The following HSPA1B variants were observed in gnomAD, a reference collection of about 807,000 sequenced individuals.
HSPA1B encodes the protein heat shock protein family A (Hsp70) member 1B.
Under a neutral mutation model 9.0 loss-of-function variants are expected in HSPA1B, and 7 were observed. The observed-to-expected ratio is 0.78, with a 90% confidence interval of 0.44 to 1.46. The LOEUF (loss-of-function observed/expected upper bound fraction) is 1.46. Ranked by LOEUF, HSPA1B falls within the 40% of genes most tolerant of loss-of-function variation. The probability of loss-of-function intolerance (pLI) is 0.01; values close to 1 mark genes in which losing one functional copy is unlikely to be tolerated. For missense variants in HSPA1B, 199 were observed against 424.5 expected (o/e 0.47, Z 4.67); for synonymous variants, 125 against 184.5 (o/e 0.68, Z 2.61).
Position 31,827,741 on chromosome 6 carries a change from C to A in HSPA1B, c.-210C>A. The A allele has an allele frequency of 8.6e-7, 1 of 1,162,356 alleles. No individual in the cohort carries two copies. The highest frequency in any genetic ancestry group is 1.2e-6 in the Non-Finnish European group (1 of 809,278). The allele number at this position is 1,162,356 out of a possible 1,614,324, so 72.0% of individuals were successfully genotyped here. A position where few individuals can be genotyped will look rare whatever the true frequency, so the allele number is the denominator to read the frequency against. ...GCCGAGGGGCGCGCGGTCCGGAAAA[C>A]GGCCAGCCTGAGGAGCTGCTGCGAG... is the stretch of plus-strand genomic sequence containing the variant. On this transcript the variant is annotated 5_prime_UTR_variant, in exon 1 of 1. Coordinates refer to ENST00000375650, the MANE Select transcript of HSPA1B (RefSeq NM_005346.6).
Position 31,827,779 on chromosome 6 carries a change from C to G in HSPA1B, c.-172C>G, listed in dbSNP as rs1178648643. Reference sequence around the variant, plus strand: ...GAGCTGCTGCGAGGGTCCGCTTCGTCTTTCGAGAGTGACTCCCGCGGTCCC... The same window carrying G: ...GAGCTGCTGCGAGGGTCCGCTTCGTGTTTCGAGAGTGACTCCCGCGGTCCC... On this transcript the variant is annotated 5_prime_UTR_variant, in exon 1 of 1. Transcript: ENST00000375650. 1 of 1,423,748 alleles carries G rather than the reference C, an allele frequency of 7.0e-7. No individual in the cohort carries two copies. The highest frequency in any genetic ancestry group is 9.6e-7 in the Non-Finnish European group (1 of 1,036,576). 88.2% of individuals were successfully genotyped at this position (1,423,748 alleles called of 1,614,324 possible).
chr6:31,829,669 G>A lies in HSPA1B; in HGVS notation c.1719G>A (p.Lys573=). Residue 573 remains lysine, a synonymous_variant, in exon 1 of 1, where the codon AAG becomes AAA. Transcript: ENST00000375650. ...SEADKKKVLD[K]CQEVISWLDA... ...CGGACAAGAAGAAGGTTCTGGACAAGTGTCAAGAGGTCATCTCGTGGCTGG... is the reference window on the plus strand; with the variant it reads ...CGGACAAGAAGAAGGTTCTGGACAAATGTCAAGAGGTCATCTCGTGGCTGG... 1.2e-6 allele frequency: 2 copies of A among 1,612,814 alleles called. No individual in the cohort carries two copies. The highest frequency in any genetic ancestry group is 1.7e-6 in the Non-Finnish European group (2 of 1,179,914).
chr6:31,827,916 G>A lies in HSPA1B; in HGVS notation c.-35G>A, dbSNP rs766033315. The A allele has an allele frequency of 1.5e-5, 24 of 1,613,230 alleles. No homozygotes were observed. Among genetic ancestry groups the A allele is most frequent in the Admixed American group, 8.3e-5 (5 of 59,954 alleles). ...TCCCGTCCGCCGTTTCCAGCCCCCA[G>A]TCTCAGAGCGGAGCCCACAGAGCAG... is the stretch of plus-strand genomic sequence containing the variant. On this transcript the variant is annotated 5_prime_UTR_variant, in exon 1 of 1. Transcript: ENST00000375650.
In HSPA1B at chr6:31,829,451, A is replaced by T. The variant is rs1327667779; in HGVS notation, c.1501A>T (p.Ile501Phe). 1 of 1,323,116 alleles carries T rather than the reference A, an allele frequency of 7.6e-7. No individual in the cohort carries two copies. Among genetic ancestry groups the T allele is most frequent in the Non-Finnish European group, 1.0e-6 (1 of 972,626 alleles). The allele number at this position is 1,323,116 out of a possible 1,614,324, so 82.0% of individuals were successfully genotyped here. A position where few individuals can be genotyped will look rare whatever the true frequency, so the allele number is the denominator to read the frequency against. ...CAAGAGCACCGGCAAGGCCAACAAG[A>T]TCACCATCACCAACGACAAGGGCCG... is the stretch of plus-strand genomic sequence containing the variant. ...TDKSTGKANK[I>F]TITNDKGRLS... Residue 501 changes from isoleucine (I) to phenylalanine (F), a missense_variant, in exon 1 of 1, where the codon ATC becomes TTC. Ile to Phe is a conservative substitution (Grantham distance 21). Coordinates refer to ENST00000375650, the MANE Select transcript of HSPA1B (RefSeq NM_005346.6).
At position 31,829,694 on chromosome 6, in the gene HSPA1B, G is replaced by A. The variant is rs1367582985; in HGVS notation, c.1744G>A (p.Asp582Asn). 1.2e-6 allele frequency: 2 copies of A among 1,612,634 alleles called. No individual in the cohort carries two copies. Among genetic ancestry groups the A allele is most frequent in the Non-Finnish European group, 1.7e-6 (2 of 1,179,938 alleles). ...DKCQEVISWL[D>N]ANTLAEKDEF... ...GTGTCAAGAGGTCATCTCGTGGCTG[G>A]ACGCCAACACCTTGGCCGAGAAGGA... Residue 582 changes from aspartate to asparagine, a missense_variant, in exon 1 of 1, where the codon GAC becomes AAC. Asp to Asn is a conservative substitution (Grantham distance 23). Transcript: ENST00000375650.
chr6:31,830,006 A>T lies in HSPA1B; in HGVS notation c.*130A>T. ...CACTTCTTTGTAAAGTTGTAACCTG[A>T]TGGTAATTAGCTGGCTTCATTATTT... is the stretch of plus-strand genomic sequence containing the variant. On this transcript the variant is annotated 3_prime_UTR_variant, in exon 1 of 1. Transcript: ENST00000375650. 1 of 1,179,090 alleles carries T rather than the reference A, an allele frequency of 8.5e-7. No homozygotes were observed. Among genetic ancestry groups the T allele is most frequent in the Non-Finnish European group, 1.2e-6 (1 of 830,242 alleles). The allele number at this position is 1,179,090 out of a possible 1,614,324, so 73.0% of individuals were successfully genotyped here.
In HSPA1B at chr6:31,828,046, C is replaced by T; in HGVS notation, c.96C>T (p.Asp32=). ...GCAAGGTGGAGATCATCGCCAACGA[C>T]CAGGGCAACCGCACCACCCCCAGCT... ...QHGKVEIIAN[D]QGNRTTPSYV... The change falls in exon 1 of 1, where the codon GAC becomes GAT. Residue 32 remains aspartate (D), a synonymous_variant. Coordinates refer to ENST00000375650, the MANE Select transcript of HSPA1B (RefSeq NM_005346.6). The T allele has an allele frequency of 1.9e-6, 3 of 1,609,180 alleles. No homozygotes were observed. Among genetic ancestry groups the T allele is most frequent in the Non-Finnish European group, 8.5e-7 (1 of 1,178,690 alleles).
chr6:31,830,089 G>A lies in HSPA1B; in HGVS notation c.*213G>A. On this transcript the variant is annotated 3_prime_UTR_variant, in exon 1 of 1. Transcript: ENST00000375650. ...TTTGCATTTAATGTTGATACTGTAA[G>A]GGTGTTTCGTTCCCTTTAAATGAAT... 1 of 601,580 alleles carries A rather than the reference G, an allele frequency of 1.7e-6. No homozygotes were observed. The highest frequency in any genetic ancestry group is 2.9e-6 in the Non-Finnish European group (1 of 347,530). 37.3% of individuals were successfully genotyped at this position (601,580 alleles called of 1,614,324 possible).
In HSPA1B at chr6:31,828,270, A is replaced by G. The variant is rs1816835659; in HGVS notation, c.320A>G (p.Tyr107Cys). ...GACAAGCCCAAGGTGCAGGTGAGCTACAAGGGGGAGACCAAGGCATTCTAC... is the reference window on the plus strand; with the variant it reads ...GACAAGCCCAAGGTGCAGGTGAGCTGCAAGGGGGAGACCAAGGCATTCTAC... ...DGDKPKVQVS[Y>C]KGETKAFYPE... The change falls in exon 1 of 1, where the codon TAC becomes TGC. Residue 107 changes from tyrosine to cysteine, a missense_variant. Coordinates refer to ENST00000375650, the MANE Select transcript of HSPA1B (RefSeq NM_005346.6). The G allele has an allele frequency of 1.5e-6, 1 of 683,538 alleles. No individual in the cohort carries two copies. Among genetic ancestry groups the G allele is most frequent in the Non-Finnish European group, 2.2e-6 (1 of 445,898 alleles). 42.3% of individuals were successfully genotyped at this position (683,538 alleles called of 1,614,324 possible).
chr6:31,828,004 G>A lies in HSPA1B; in HGVS notation c.54G>A (p.Val18=), dbSNP rs751937726. 9.9e-6 allele frequency: 16 copies of A among 1,611,936 alleles called. No individual in the cohort carries two copies. The South Asian group carries it at 1.5e-4, about 16-fold the overall frequency. ...ACCTGGGCACCACCTACTCCTGCGT[G>A]GGGGTGTTCCAACACGGCAAGGTGG... ...GIDLGTTYSC[V]GVFQHGKVEI... The change falls in exon 1 of 1, where the codon GTG becomes GTA. Residue 18 remains valine, a synonymous_variant. Transcript: ENST00000375650.
rs896809973 is a variant in HSPA1B, at chr6:31,829,963, T to G, written c.*87T>G. The G allele has an allele frequency of 2.4e-5, 36 of 1,495,374 alleles. No individual in the cohort carries two copies. The highest frequency in any genetic ancestry group is 3.2e-5 in the Non-Finnish European group (36 of 1,109,816). The allele number at this position is 1,495,374 out of a possible 1,614,324, so 92.6% of individuals were successfully genotyped here. A position where few individuals can be genotyped will look rare whatever the true frequency, so the allele number is the denominator to read the frequency against. ...TGCTGTTTTCCTATGTCATTTCTGC[T>G]TCAGCTCTTTGCTGCTTCACTTCTT... On this transcript the variant is annotated 3_prime_UTR_variant, in exon 1 of 1. Transcript: ENST00000375650.
rs1377513427 is a variant in HSPA1B at position 31,827,890 on chromosome 6, A to G, written c.-61A>G. ...CCGAAGGACTGAGCTCTTGTCGCGG[A>G]TCCCGTCCGCCGTTTCCAGCCCCCA... On this transcript the variant is annotated 5_prime_UTR_variant, in exon 1 of 1. Coordinates refer to ENST00000375650, the MANE Select transcript of HSPA1B (RefSeq NM_005346.6). The G allele has an allele frequency of 4.3e-6, 7 of 1,612,912 alleles. No homozygotes were observed. The highest frequency in any genetic ancestry group is 1.1e-5 in the South Asian group (1 of 91,056).
Position 31,829,735 on chromosome 6 carries a change from G to T in HSPA1B, c.1785G>T (p.Lys595Asn). The change falls in exon 1 of 1, where the codon AAG becomes AAT. Residue 595 changes from lysine (K) to asparagine (N), a missense_variant. Lys to Asn is a moderately conservative substitution (Grantham distance 94). Coordinates refer to ENST00000375650, the MANE Select transcript of HSPA1B (RefSeq NM_005346.6). ...CCGAGAAGGACGAGTTTGAGCACAA[G>T]AGGAAGGAGCTGGAGCAGGTGTGTA... is the stretch of plus-strand genomic sequence containing the variant. ...TLAEKDEFEH[K>N]RKELEQVCNP... 2 of 1,612,610 alleles carry T rather than the reference G, an allele frequency of 1.2e-6. No homozygotes were observed. Among genetic ancestry groups the T allele is most frequent in the Non-Finnish European group, 1.7e-6 (2 of 1,179,962 alleles).
At position 31,827,879 on chromosome 6, in the gene HSPA1B, TC is replaced by T. The variant is rs1161987425; in HGVS notation, c.-71del. ...TTTCCGGCGTTCCGAAGGACTGAGC[TC>T]TTGTCGCGGATCCCGTCCGCCGTTT... On this transcript the variant is annotated 5_prime_UTR_variant, in exon 1 of 1. Transcript: ENST00000375650. 3.7e-6 allele frequency: 6 copies of T among 1,612,576 alleles called. No individual in the cohort carries two copies. In the African/African-American group the frequency reaches 8.0e-5, roughly 22 times the overall value.
rs763102430 is a variant in HSPA1B at position 31,829,681 on chromosome 6, C to T, written c.1731C>T (p.Val577=). Residue 577 remains valine, a synonymous_variant, in exon 1 of 1, where the codon GTC becomes GTT. Coordinates refer to ENST00000375650, the MANE Select transcript of HSPA1B (RefSeq NM_005346.6). ...KKKVLDKCQE[V]ISWLDANTLA... is the part of the protein sequence containing the mutation. ...AGGTTCTGGACAAGTGTCAAGAGGT[C>T]ATCTCGTGGCTGGACGCCAACACCT... is the stretch of plus-strand genomic sequence containing the variant. 58 of 1,612,582 alleles carry T rather than the reference C, an allele frequency of 3.6e-5. No homozygotes were observed. Among genetic ancestry groups the T allele is most frequent in the African/African-American group, 5.3e-5 (4 of 74,860 alleles).
Position 31,828,344 on chromosome 6 carries a change from G to A in HSPA1B, c.394G>A (p.Glu132Lys), listed in dbSNP as rs1406810342. The change falls in exon 1 of 1, where the codon GAG becomes AAG. Residue 132 changes from glutamate (E) to lysine (K), a missense_variant. Around this residue, in one of 5 missense-constraint regions of HSPA1B, gnomAD observed 49 missense variants for 40.0 expected, o/e 1.23. Transcript: ENST00000375650. The stretch of plus-strand genomic sequence containing the variant: ...GCTGACCAAGATGAAGGAGATCGCC[G>A]AGGCGTACCTGGGCTACCCGGTGAC... ...MVLTKMKEIAEAYLGYPVTNA... is the reference protein window; with the variant it reads ...MVLTKMKEIAKAYLGYPVTNA... The A allele has an allele frequency of 1.3e-5, 6 of 462,672 alleles. No homozygotes were observed. The Admixed American group carries it at 3.1e-4, about 24-fold the overall frequency. 28.7% of individuals were successfully genotyped at this position (462,672 alleles called of 1,614,324 possible).
Position 31,828,367 on chromosome 6 carries a change from G to T in HSPA1B, c.417G>T (p.Val139=). The T allele has an allele frequency of 4.7e-6, 2 of 427,876 alleles. No individual in the cohort carries two copies. Among genetic ancestry groups the T allele is most frequent in the Non-Finnish European group, 7.8e-6 (2 of 256,930 alleles). 26.5% of individuals were successfully genotyped at this position (427,876 alleles called of 1,614,324 possible). ...CCGAGGCGTACCTGGGCTACCCGGT[G>T]ACCAACGCGGTGATCACCGTGCCGG... The part of the protein sequence containing the change: ...EIAEAYLGYP[V]TNAVITVPAY... The change falls in exon 1 of 1, where the codon GTG becomes GTT. Residue 139 remains valine (V), a synonymous_variant. Coordinates refer to ENST00000375650, the MANE Select transcript of HSPA1B (RefSeq NM_005346.6).
chr6:31,829,638 G>T lies in HSPA1B; in HGVS notation c.1688G>T (p.Ser563Ile). ...VEDEGLKGKI[S>I]EADKKKVLDK... is the part of the protein sequence containing the mutation. ...GATGAGGGGCTCAAGGGCAAGATCAGCGAGGCGGACAAGAAGAAGGTTCTG... is the reference window on the plus strand; with the variant it reads ...GATGAGGGGCTCAAGGGCAAGATCATCGAGGCGGACAAGAAGAAGGTTCTG... The change falls in exon 1 of 1, where the codon AGC becomes ATC. Residue 563 changes from serine (S) to isoleucine (I), a missense_variant. This residue lies in a region of HSPA1B where 67 missense variants were observed against 106.4 expected (regional missense o/e 0.63). Coordinates refer to ENST00000375650, the MANE Select transcript of HSPA1B (RefSeq NM_005346.6). 1.2e-6 allele frequency: 2 copies of T among 1,612,312 alleles called. No individual in the cohort carries two copies. The highest frequency in any genetic ancestry group is 2.2e-5 in the South Asian group (2 of 91,018).
rs760183365 is a variant in HSPA1B at position 31,827,878 on chromosome 6, C to G, written c.-73C>G. On this transcript the variant is annotated 5_prime_UTR_variant, in exon 1 of 1. Transcript: ENST00000375650. ...GTTTCCGGCGTTCCGAAGGACTGAG[C>G]TCTTGTCGCGGATCCCGTCCGCCGT... The G allele has an allele frequency of 6.2e-7, 1 of 1,612,728 alleles. No individual in the cohort carries two copies. The highest frequency in any genetic ancestry group is 8.5e-7 in the Non-Finnish European group (1 of 1,179,678).
Sources: gnomAD v4.1 joint callset for allele counts on GRCh38, gnomAD v4.1.1 for gene constraint, gnomAD v4.1.1 regional missense constraint, MANE v1.5 for transcripts, NCBI Gene and HGNC (gene_info 2026-07-23, HGNC 2026-07-21) for gene names.